The following AFF4 variants were observed in gnomAD, a reference collection of about 807,000 sequenced individuals.
The protein encoded by AFF4 is AF4/FMR2 family member 4.
AFF4 carries 13 observed loss-of-function variants against 124.8 expected under a neutral mutation model. The ratio of observed to expected loss-of-function variants is 0.10; its 90% CI spans 0.07 to 0.17. AFF4 has a LOEUF of 0.17. AFF4 is among the 10% of genes least tolerant of loss of function. The pLI, the probability that AFF4 is intolerant of heterozygous loss-of-function variation, is 1.00. For missense variants in AFF4, 1,092 were observed against 1,403.8 expected, an observed-to-expected ratio of 0.78 and a Z score of 3.55; for synonymous variants, 477 against 496.1, an observed-to-expected ratio of 0.96 and a Z score of 0.51.
At chr5:132,904,688 C>T (rs1304206344) in intron 5 of AFF4, among the ~76,000 whole-genome samples, 2 of 152,130 alleles carry the variant, frequency 1.3e-5, no homozygotes, top group Non-Finnish European at 2.9e-5. Context: ...TAACTAATTT[C>T]AATTTAAAAT....
chr5:132,902,679 T>C (rs1328777847), intron 6 of AFF4, among the ~76,000 whole-genome samples, 192 bp from the exon 7 acceptor site: 5 of 152,232 alleles, frequency 3.3e-5, no homozygotes, highest in Admixed American at 3.3e-4. Flanking sequence ...TGTGCATATG[T>C]TGCTGGTAGG....
At chr5:132,955,951 G>C (rs970558349) in intron 1 of AFF4, among the ~76,000 whole-genome samples, 74 of 142,562 alleles carry the variant, frequency 5.2e-4, no homozygotes, top group African/African-American at 1.9e-3. Flanking sequence ...ATATAGTATA[G>C]TATATATAAT....
chr5:132,952,233 A>C (rs1761861218), intron 1 of AFF4, among the ~76,000 whole-genome samples: 1 of 152,224 alleles, frequency 6.6e-6, no homozygotes, highest in Non-Finnish European at 1.5e-5. Flanking sequence ...TGCCGTCCGT[A>C]TCCAATCACT....
chr5:132,876,163 C>T lies in AFF4; in HGVS notation c.*4896G>A, dbSNP rs17166305. 10,946 of 230,930 alleles carry T rather than the reference C, an allele frequency of 0.047. 800 individuals carry two copies. Among genetic ancestry groups the T allele is most frequent in the African/African-American group, 0.18 (7,924 of 45,062 alleles). 14.3% of individuals were successfully genotyped at this position (230,930 alleles called of 1,614,324 possible). On this transcript the variant is annotated 3_prime_UTR_variant, in exon 21 of 21. Coordinates refer to ENST00000265343, the MANE Select transcript of AFF4 (RefSeq NM_014423.4). ...CCCTTAAAGGTGGTGCCTTTTCAGG[C>T]AATGTCAACTGGCCAGTTCTGTTGG...
Position 132,881,127 on chromosome 5 carries a change from T to C in AFF4, c.3424A>G (p.Thr1142Ala). The C allele has an allele frequency of 6.2e-7, 1 of 1,614,240 alleles. No individual in the cohort carries two copies. Among genetic ancestry groups the C allele is most frequent in the South Asian group, 1.1e-5 (1 of 91,088 alleles). The change falls in exon 21 of 21, where the codon ACA becomes GCA. Residue 1142 changes from threonine (T) to alanine (A), a missense_variant. Thr to Ala is a moderately conservative substitution (Grantham distance 58, BLOSUM62 0). Coordinates refer to ENST00000265343, the MANE Select transcript of AFF4 (RefSeq NM_014423.4). Reference protein sequence around the residue: ...GPLIFNASIMTDLVRYTRQGL... With the variant: ...GPLIFNASIMADLVRYTRQGL... ...TGCCGGGTATAACGAACTAGATCTG[T>C]CATGATGCTTGCATTAAAGATGAGA...
At chr5:132,928,149 G>A (rs1232079870) in intron 4 of AFF4, among the ~76,000 whole-genome samples, 2 of 151,570 alleles carry the variant, frequency 1.3e-5, no homozygotes, top group African/African-American at 4.9e-5. Context: ...TTCAAAAACT[G>A]AAACAACCTA....
At chr5:132,948,337 T>C (rs1761749868) in intron 1 of AFF4, among the ~76,000 whole-genome samples, 1 of 152,210 alleles carries the variant, frequency 6.6e-6, no homozygotes, top group Non-Finnish European at 1.5e-5. Context: ...TTTTCTCTGA[T>C]GAATGTTCTT....
intron 5 of AFF4, among the ~76,000 whole-genome samples, chr5:132,908,144 T>C (rs7728394): frequency 0.36 from 54,670 of 151,508 alleles, 10,364 homozygotes; most frequent in East Asian, 0.59. Context: ...ATATACTCCA[T>C]TACTAAGAAA....
At chr5:132,883,601 T>A in intron 19 of AFF4, 41 bp from the exon 20 acceptor site, 1 of 1,569,542 alleles carries the variant, frequency 6.4e-7, no homozygotes, top group Non-Finnish European at 8.7e-7. Flanking sequence ...ATGGACATGG[T>A]AAGCATTATA....
chr5:132,898,451 C>T (rs1468723066), intron 9 of AFF4, 59 bp from the exon 10 acceptor site: 2 of 1,480,272 alleles, frequency 1.4e-6, no homozygotes, highest in East Asian at 2.3e-5. Context: ...AACAGGAAAA[C>T]ATCCAAATCG....
In AFF4 at chr5:132,896,346, T is replaced by C; in HGVS notation, c.2284A>G (p.Asn762Asp). The C allele has an allele frequency of 6.3e-7, 1 of 1,596,494 alleles. No individual in the cohort carries two copies. The highest frequency in any genetic ancestry group is 8.5e-7 in the Non-Finnish European group (1 of 1,175,526). The stretch of plus-strand genomic sequence containing the variant: ...ACCTTATGCTTCCTCTTGCCTTTGT[T>C]GGAAACTTTTTCTGAGGCTTGTTTC... The part of the protein sequence containing the change: ...AQKQASEKVS[N>D]KGKRKHKNED... Residue 762 changes from asparagine to aspartate, a missense_variant, in exon 11 of 21, where the codon AAC (asparagine) becomes GAC (aspartate). Transcript: ENST00000265343.
intron 5 of AFF4, among the ~76,000 whole-genome samples, chr5:132,919,451 T>G (rs1760988849): frequency 1.3e-5 from 2 of 152,228 alleles, no homozygotes; most frequent in Admixed American, 6.5e-5. Flanking sequence ...GCTAATTGGA[T>G]ATGTACATAC....
chr5:132,963,611 C>T lies in AFF4; in HGVS notation c.-357G>A, dbSNP rs1021282019. On this transcript the variant is annotated 5_prime_UTR_variant, in exon 1 of 21. Coordinates refer to ENST00000265343, the MANE Select transcript of AFF4 (RefSeq NM_014423.4). ...TGGCGGCGGCGACGGCAGCTGGACT[C>T]CTGCAGCCAGGGCTGTGACTGACGC... 8.6e-5 allele frequency: 34 copies of T among 397,244 alleles called. No individual in the cohort carries two copies. The highest frequency in any genetic ancestry group is 6.6e-4 in the African/African-American group (32 of 48,584). The allele number at this position is 397,244 out of a possible 1,614,324, so 24.6% of individuals were successfully genotyped here. A position where few individuals can be genotyped will look rare whatever the true frequency, so the allele number is the denominator to read the frequency against.
chr5:132,916,097 G>T (rs1760902346), intron 5 of AFF4, among the ~76,000 whole-genome samples: 1 of 151,824 alleles, frequency 6.6e-6, no homozygotes, highest in Non-Finnish European at 1.5e-5. Context: ...AATTATCTGG[G>T]TGTGGTGGCG....
chr5:132,949,684 C>T (rs553658456), intron 1 of AFF4, among the ~76,000 whole-genome samples: 3 of 147,902 alleles, frequency 2.0e-5, no homozygotes, highest in East Asian at 4.0e-4. Context: ...CCCATGTGTA[C>T]CACACACACA....
chr5:132,940,165 A>G (rs889225460), intron 1 of AFF4, among the ~76,000 whole-genome samples: 3 of 151,468 alleles, frequency 2.0e-5, no homozygotes, highest in Admixed American at 2.0e-4. Flanking sequence ...GCACCACTGG[A>G]CTCCAGCCTG....
chr5:132,909,669 CTCATT>C (rs1252777633), intron 5 of AFF4, among the ~76,000 whole-genome samples: 1 of 148,702 alleles, frequency 6.7e-6, no homozygotes, highest in Non-Finnish European at 1.5e-5. Flanking sequence ...AGATTCACTC[CTCATT>C]TCATTACAGA....
chr5:132,932,002 A>C (rs1761310882), intron 4 of AFF4, among the ~76,000 whole-genome samples, 176 bp downstream of exon 4: 1 of 152,196 alleles, frequency 6.6e-6, no homozygotes, highest in Non-Finnish European at 1.5e-5. Flanking sequence ...TAGCTCTCTG[A>C]AGGCAAATGG....
chr5:132,915,860 C>A (rs777164516), intron 5 of AFF4, among the ~76,000 whole-genome samples: 1 of 151,848 alleles, frequency 6.6e-6, no homozygotes, highest in Non-Finnish European at 1.5e-5. Context: ...TGACTCACTT[C>A]TTTGTAACAG....
Sources: gnomAD v4.1 joint callset for allele counts (sites outside exome capture counted in the v4.1 genomes callset) on GRCh38, gnomAD v4.1.1 for gene constraint, MANE v1.5 for transcripts, NCBI Gene and HGNC (gene_info 2026-07-23, HGNC 2026-07-21) for gene names.